CPEB4: variants seen among roughly 807,000 people sequenced by gnomAD.
CPEB4 encodes the protein cytoplasmic polyadenylation element binding protein 4.
Under a neutral mutation model 72.5 loss-of-function variants are expected in CPEB4, and 12 were observed. That is an observed-to-expected ratio of 0.17 (90% confidence interval 0.11 to 0.27). CPEB4 has a LOEUF of 0.27. Ranked by LOEUF, CPEB4 falls within the 10% of genes least tolerant of loss-of-function variation. The pLI is 1.00. For missense variants in CPEB4, 614 were observed against 908.5 expected, an observed-to-expected ratio of 0.68 and a Z score of 4.17; for synonymous variants, 302 against 326.3, an observed-to-expected ratio of 0.93 and a Z score of 0.80.
At position 173,929,288 on chromosome 5, in the gene CPEB4, T is replaced by A. The variant is rs118151582; in HGVS notation, c.1208-3162T>A. On this transcript the variant is annotated intron_variant, in intron 2 of 9. Coordinates refer to ENST00000265085, the MANE Select transcript of CPEB4 (RefSeq NM_030627.4). ...CGTTTTGTTACTGTCAAGTTGAAAT[T>A]TTCTCTTTAAAAGATACCCAAAACA... Among the ~76,000 whole-genome samples, 160 of 152,304 alleles carry A rather than the reference T, an allele frequency of 1.1e-3. 1 individual carries two copies. In the East Asian group the frequency reaches 0.03, roughly 28 times the overall value.
At chr5:173,917,930 A>C (rs1174444343) in intron 2 of CPEB4, among the ~76,000 whole-genome samples, 1 of 152,168 alleles carries the variant, frequency 6.6e-6, no homozygotes, top group Non-Finnish European at 1.5e-5. Flanking sequence ...AGCCTTCCTG[A>C]ACTAGGCTGG....
intron 2 of CPEB4, among the ~76,000 whole-genome samples, chr5:173,925,442 G>A (rs1337850719): frequency 6.6e-6 from 1 of 152,254 alleles, no homozygotes; most frequent in African/African-American, 2.4e-5. Flanking sequence ...AGATAAGGGG[G>A]TAGAATAAGC....
chr5:173,946,313 G>T (rs1758012905), intron 5 of CPEB4, among the ~76,000 whole-genome samples: 1 of 152,130 alleles, frequency 6.6e-6, no homozygotes, highest in Non-Finnish European at 1.5e-5. Flanking sequence ...GTGTTCTGCA[G>T]AATTGTGCAC....
chr5:173,914,781 C>T (rs190646013), intron 2 of CPEB4, among the ~76,000 whole-genome samples: 93 of 151,818 alleles, frequency 6.1e-4, no homozygotes, highest in Non-Finnish European at 8.5e-4. Flanking sequence ...GAAGAAAATT[C>T]GTGTTAATTC....
At position 173,889,461 on chromosome 5, in the gene CPEB4, T is replaced by C. The variant is rs1281833302; in HGVS notation, c.-273T>C. On this transcript the variant is annotated 5_prime_UTR_variant, in exon 1 of 10. Transcript: ENST00000265085. The stretch of plus-strand genomic sequence containing the variant: ...TTTTACTAACCAAAGACTTGATTTT[T>C]ACCCTCTTCATTTTTATTCCCTCCT... 2.8e-5 allele frequency: 9 copies of C among 323,916 alleles called. No individual in the cohort carries two copies. Among genetic ancestry groups the C allele is most frequent in the Non-Finnish European group, 5.0e-5 (9 of 178,632 alleles). The allele number at this position is 323,916 out of a possible 1,614,324, so 20.1% of individuals were successfully genotyped here.
chr5:173,890,584 C>G lies in CPEB4; in HGVS notation c.851C>G (p.Pro284Arg), dbSNP rs1017564474. 1 of 1,614,022 alleles carries G rather than the reference C, an allele frequency of 6.2e-7. No homozygotes were observed. Among genetic ancestry groups the G allele is most frequent in the African/African-American group, 1.3e-5 (1 of 74,908 alleles). ...LANNLNKPPSPWSSYQSPSPT... is the reference protein window; with the variant it reads ...LANNLNKPPSRWSSYQSPSPT... The stretch of plus-strand genomic sequence containing the variant: ...AATAATCTTAACAAACCCCCCTCTC[C>G]GTGGAGCAGCTACCAGAGTCCGTCA... Residue 284 changes from proline to arginine, a missense_variant, in exon 1 of 10, where the codon CCG (proline) becomes CGG (arginine). Pro to Arg is a moderately radical substitution (Grantham distance 103). This residue lies in a region of CPEB4 where 458 missense variants were observed against 548.6 expected (regional missense o/e 0.83). Coordinates refer to ENST00000265085, the MANE Select transcript of CPEB4 (RefSeq NM_030627.4).
At chr5:173,931,755 C>T (rs1039956556) in intron 2 of CPEB4, among the ~76,000 whole-genome samples, 7 of 152,174 alleles carry the variant, frequency 4.6e-5, no homozygotes, top group Non-Finnish European at 8.8e-5. Context: ...CCATTCCCCC[C>T]GCCATGCATT....
chr5:173,890,967 G>C, intron 1 of CPEB4, 109 bp downstream of exon 1: 1 of 1,025,308 alleles, frequency 9.8e-7, no homozygotes, highest in Non-Finnish European at 1.4e-6. Flanking sequence ...GCTTTTCTTA[G>C]AGAGAAAATG....
chr5:173,945,883 G>A (rs188075075), intron 5 of CPEB4, among the ~76,000 whole-genome samples: 86 of 152,296 alleles, frequency 5.6e-4, no homozygotes, highest in African/African-American at 2.0e-3. Context: ...CTATTCATCC[G>A]TGGGTCTGAG....
chr5:173,941,710 C>CA (rs572640365), intron 3 of CPEB4, among the ~76,000 whole-genome samples: 93 of 145,890 alleles, frequency 6.4e-4, no homozygotes, highest in Non-Finnish European at 9.2e-4. Flanking sequence ...CCATCTCTGC[C>CA]AAAAAAAAAA....
chr5:173,920,965 G>A (rs1377012585), intron 2 of CPEB4, among the ~76,000 whole-genome samples: 8 of 152,122 alleles, frequency 5.3e-5, no homozygotes, highest in Non-Finnish European at 1.0e-4. Context: ...ACTTGGCCTC[G>A]TGAAATGTTT....
chr5:173,890,317 T>G lies in CPEB4; in HGVS notation c.584T>G (p.Val195Gly). Reference sequence around the variant, plus strand: ...GCAAGTTTCTTTCACCAGGGAGGGGTCCCTGCTGCTTCGGCTAATAACGGT... The same window carrying G: ...GCAAGTTTCTTTCACCAGGGAGGGGGCCCTGCTGCTTCGGCTAATAACGGT... Reference protein sequence around the residue: ...EDASFFHQGGVPAASANNGAL... With the variant: ...EDASFFHQGGGPAASANNGAL... Residue 195 changes from valine to glycine, a missense_variant, in exon 1 of 10, where the codon GTC becomes GGC. Coordinates refer to ENST00000265085, the MANE Select transcript of CPEB4 (RefSeq NM_030627.4). 6.2e-7 allele frequency: 1 copy of G among 1,614,022 alleles called. No homozygotes were observed. Among genetic ancestry groups the G allele is most frequent in the Non-Finnish European group, 8.5e-7 (1 of 1,180,014 alleles).
intron 2 of CPEB4, among the ~76,000 whole-genome samples, chr5:173,931,916 G>A (rs777663647): frequency 4.6e-5 from 7 of 152,180 alleles, no homozygotes; most frequent in Non-Finnish European, 1.0e-4. Context: ...CCAGCATTTA[G>A]TGAGTGCCTA....
rs979689380 is a variant in CPEB4 at position 173,959,335 on chromosome 5, A to C, written c.*3198A>C. On this transcript the variant is annotated 3_prime_UTR_variant, in exon 10 of 10. Coordinates refer to ENST00000265085, the MANE Select transcript of CPEB4 (RefSeq NM_030627.4). ...CCTTCTGGTCCCTGCGCTTTGGTAT[A>C]ATATATATACTTCTCCATACACAGA... 2.0e-5 allele frequency: 3 copies of C among 152,754 alleles called. No individual in the cohort carries two copies. Among genetic ancestry groups the C allele is most frequent in the Non-Finnish European group, 4.4e-5 (3 of 68,018 alleles). The allele number at this position is 152,754 out of a possible 1,614,324, so 9.5% of individuals were successfully genotyped here.
chr5:173,895,017 A>G (rs1289880300), intron 1 of CPEB4, among the ~76,000 whole-genome samples: 1 of 152,228 alleles, frequency 6.6e-6, no homozygotes, highest in Non-Finnish European at 1.5e-5. Context: ...TTTTGAGCAC[A>G]TGTTATATAC....
At chr5:173,907,445 G>A (rs1016264112) in intron 1 of CPEB4, among the ~76,000 whole-genome samples, 2 of 152,156 alleles carry the variant, frequency 1.3e-5, no homozygotes, top group African/African-American at 2.4e-5. Context: ...GTCATTCAGT[G>A]ATTGCAAAAT....
intron 2 of CPEB4, among the ~76,000 whole-genome samples, chr5:173,911,450 G>C (rs1447616663): frequency 1.3e-5 from 2 of 152,024 alleles, no homozygotes; most frequent in African/African-American, 4.8e-5. Context: ...TTTTAGTAGA[G>C]ACGGGGTTTC....
chr5:173,917,384 G>C (rs1756907772), intron 2 of CPEB4, among the ~76,000 whole-genome samples: 1 of 152,206 alleles, frequency 6.6e-6, no homozygotes, highest in Non-Finnish European at 1.5e-5. Flanking sequence ...TAAAGGATTA[G>C]ATGGACATTT....
chr5:173,918,522 C>T lies in CPEB4; in HGVS notation c.1207+7918C>T, dbSNP rs963297502. ...AGGCGGGGAGGGTAAGGGGAAATGC[C>T]TAGGAAAGAAAATCATGTGATGTAT... On this transcript the variant is annotated intron_variant, in intron 2 of 9. Coordinates refer to ENST00000265085, the MANE Select transcript of CPEB4 (RefSeq NM_030627.4). Among the ~76,000 whole-genome samples, 3 of 152,046 alleles carry T rather than the reference C, an allele frequency of 2.0e-5. No homozygotes were observed. The East Asian group carries it at 5.8e-4, about 29-fold the overall frequency.
Sources: gnomAD v4.1 joint callset for allele counts (sites outside exome capture counted in the v4.1 genomes callset) on GRCh38, gnomAD v4.1.1 for gene constraint, gnomAD v4.1.1 regional missense constraint, MANE v1.5 for transcripts, NCBI Gene and HGNC (gene_info 2026-07-23, HGNC 2026-07-21) for gene names.